The following PDE8B variants were observed in gnomAD, a reference collection of about 807,000 sequenced individuals.
PDE8B encodes the protein high affinity cAMP-specific and IBMX-insensitive 3',5'-cyclic phosphodiesterase 8B.
In PDE8B, 26 loss-of-function variants were observed where a neutral mutation model predicts 101.3. The observed-to-expected ratio is 0.26, with a 90% confidence interval of 0.19 to 0.36. The LOEUF is 0.36. Among genes scored for constraint, PDE8B ranks in the 10% least tolerant of loss-of-function variants. The pLI is 1.00. For missense variants in PDE8B, 810 were observed against 1,163.1 expected (o/e 0.70, Z 4.42); for synonymous variants, 424 against 429.3 (o/e 0.99, Z 0.15).
At chr5:77,322,618 A>T (rs1775308575) in intron 2 of PDE8B, among the ~76,000 whole-genome samples, 1 of 151,870 alleles carries the variant, frequency 6.6e-6, no homozygotes. Flanking sequence ...TCCAACATAA[A>T]CTGGGCTTGC....
chr5:77,407,687 G>A (rs1793758346), intron 13 of PDE8B, among the ~76,000 whole-genome samples: 1 of 152,212 alleles, frequency 6.6e-6, no homozygotes, highest in Non-Finnish European at 1.5e-5. Context: ...AAGTAGGTTG[G>A]AAGAGAGGGT....
chr5:77,369,443 G>A (rs1031123579), intron 10 of PDE8B, among the ~76,000 whole-genome samples: 2 of 152,028 alleles, frequency 1.3e-5, no homozygotes, highest in African/African-American at 2.4e-5. Flanking sequence ...AGGGTGTGCT[G>A]GACCGAGGTG....
In PDE8B at chr5:77,413,160, G is replaced by A; in HGVS notation, c.1762G>A (p.Glu588Lys). The A allele has an allele frequency of 6.2e-7, 1 of 1,614,102 alleles. No individual in the cohort carries two copies. The highest frequency in any genetic ancestry group is 8.5e-7 in the Non-Finnish European group (1 of 1,180,014). The change falls in exon 17 of 22, where the codon GAA (glutamate) becomes AAA (lysine). Residue 588 changes from glutamate (E) to lysine (K), a missense_variant. By Grantham distance (56) the Glu-to-Lys change is moderately conservative. Coordinates refer to ENST00000264917, the MANE Select transcript of PDE8B (RefSeq NM_003719.5). Reference sequence around the variant, plus strand: ...GGTCTTCTCTCGGTTTGGAGTATGTGAATTTTTAAACTGTTCTGAAACCAC... The same window carrying A: ...GGTCTTCTCTCGGTTTGGAGTATGTAAATTTTTAAACTGTTCTGAAACCAC... ...LKVFSRFGVC[E>K]FLNCSETTLR...
intron 6 of PDE8B, among the ~76,000 whole-genome samples, chr5:77,342,243 C>G (rs185666068): frequency 6.6e-6 from 1 of 152,172 alleles, no homozygotes; most frequent in Non-Finnish European, 1.5e-5. Flanking sequence ...GTTGTATTCT[C>G]ATATTGTCCC....
the PDE8B span, among the ~76,000 whole-genome samples, chr5:77,117,562 G>A: frequency 1.3e-5 from 2 of 152,130 alleles, no homozygotes; most frequent in Non-Finnish European, 2.9e-5. Flanking sequence ...TTTAGGGGGA[G>A]GAATACGGTT....
rs1201360625 is a variant in PDE8B, at chr5:77,257,822, C to A, written c.339+46558C>A. ...TATTTATCCTGATGCTCTCCCTCCCCCATCCCCAACCCTGACAGGCCCCAG... is the reference window on the plus strand; with the variant it reads ...TATTTATCCTGATGCTCTCCCTCCCACATCCCCAACCCTGACAGGCCCCAG... On this transcript the variant is annotated intron_variant, in intron 1 of 21. Coordinates refer to ENST00000264917, the MANE Select transcript of PDE8B (RefSeq NM_003719.5). Among the ~76,000 whole-genome samples, 4 of 152,174 alleles carry A rather than the reference C, an allele frequency of 2.6e-5. No individual in the cohort carries two copies. The South Asian group carries it at 8.3e-4, about 32-fold the overall frequency.
intron 1 of PDE8B, among the ~76,000 whole-genome samples, chr5:77,311,582 A>G (rs1772627513): frequency 6.6e-6 from 1 of 152,252 alleles, no homozygotes; most frequent in Non-Finnish European, 1.5e-5. Context: ...AGAAATGTTT[A>G]TTCTCTTTTG....
rs61999348 is a variant in PDE8B, at chr5:77,404,776, A to G, written c.1267A>G (p.Ile423Val). The change falls in exon 12 of 22, where the codon ATA becomes GTA. Residue 423 changes from isoleucine (I) to valine (V), a missense_variant. Transcript: ENST00000264917. ...RRKESIDVKSISSRGSDAPSL... is the reference protein window; with the variant it reads ...RRKESIDVKSVSSRGSDAPSL... ...GAAAGAGTCCATTGACGTGAAATCG[A>G]TATCATCTCGAGGCAGTGATGGTAA... is the stretch of plus-strand genomic sequence containing the variant. The G allele has an allele frequency of 1.7e-3, 2,735 of 1,602,030 alleles. 30 individuals carry two copies. In the African/African-American group the frequency reaches 0.032, roughly 19 times the overall value.
Position 77,387,040 on chromosome 5 carries a change from C to T in PDE8B, c.1168-13208C>T, listed in dbSNP as rs11958889. The stretch of plus-strand genomic sequence containing the variant: ...CTGGGACTACAGGCGCCCGCCACCG[C>T]GCCCGGCTAATTTTTTGTATTTTTA... On this transcript the variant is annotated intron_variant, in intron 10 of 21. Coordinates refer to ENST00000264917, the MANE Select transcript of PDE8B (RefSeq NM_003719.5). Among the ~76,000 whole-genome samples, 538 of 150,008 alleles carry T rather than the reference C, an allele frequency of 3.6e-3. 5 individuals are homozygous for T. The highest frequency in any genetic ancestry group is 0.012 in the African/African-American group (473 of 40,868).
At chr5:77,171,908 A>G in the PDE8B span, among the ~76,000 whole-genome samples, 3 of 151,934 alleles carry the variant, frequency 2.0e-5, no homozygotes, top group African/African-American at 7.3e-5. Context: ...CACAGGTCAG[A>G]CTCCTAGGGC....
chr5:77,334,278 G>T (rs1445052726), intron 5 of PDE8B, among the ~76,000 whole-genome samples: 1 of 152,174 alleles, frequency 6.6e-6, no homozygotes, highest in Non-Finnish European at 1.5e-5. Flanking sequence ...CCTGAGTGGG[G>T]ATCTAGGAAC....
At chr5:77,362,374 A>G (rs764862711) in intron 10 of PDE8B, among the ~76,000 whole-genome samples, 8 of 152,348 alleles carry the variant, frequency 5.3e-5, no homozygotes, top group African/African-American at 1.9e-4. Flanking sequence ...GCACATTACT[A>G]TAGTTCACTA....
the PDE8B span, among the ~76,000 whole-genome samples, chr5:77,169,960 T>TGCTGAGGTGCTA: frequency 1.3e-5 from 2 of 152,122 alleles, no homozygotes; most frequent in Non-Finnish European, 2.9e-5. Context: ...CTATCTCAAG[T>TGCTGAGGTGCTA]TCCCTATTTT....
intron 20 of PDE8B, among the ~76,000 whole-genome samples, chr5:77,423,927 G>A (rs1581638644): frequency 2.0e-5 from 3 of 151,564 alleles, no homozygotes; most frequent in Non-Finnish European, 2.9e-5. Flanking sequence ...GTGAGCCACC[G>A]CACCCAGCCT....
rs1378359452 is a variant in PDE8B at position 77,228,087 on chromosome 5, G to A, written c.339+16823G>A. On this transcript the variant is annotated intron_variant, in intron 1 of 21. Transcript: ENST00000264917. ...CAGGGTCTTATCTGAAAGCTTGACTGGAGAAAATCTTCCAAGCTTATCTAC... is the reference window on the plus strand; with the variant it reads ...CAGGGTCTTATCTGAAAGCTTGACTAGAGAAAATCTTCCAAGCTTATCTAC... Among the ~76,000 whole-genome samples the A allele has an allele frequency of 2.6e-5, 4 of 152,142 alleles. No individual in the cohort carries two copies. In the East Asian group the frequency reaches 7.7e-4, roughly 29 times the overall value.
At chr5:77,210,620 G>A, upstream of PDE8B, 6 of 981,726 alleles carry the variant, frequency 6.1e-6, no homozygotes, top group Non-Finnish European at 7.2e-6. The surrounding 1 kb of genome is among the most constrained non-coding windows in gnomAD (Gnocchi z 4.9). Flanking sequence ...GGAGGCGCGG[G>A]GAGCGTGTTT....
chr5:77,204,406 G>C, the PDE8B span, among the ~76,000 whole-genome samples: 4 of 128,150 alleles, frequency 3.1e-5, no homozygotes, highest in Admixed American at 2.2e-4. Context: ...ATGAGACTCT[G>C]TCTCAAAAAA....
intron 10 of PDE8B, among the ~76,000 whole-genome samples, chr5:77,355,698 A>C (rs963924603): frequency 6.6e-6 from 1 of 152,134 alleles, no homozygotes; most frequent in Non-Finnish European, 1.5e-5. Context: ...TGTGTTAAAC[A>C]CCTGTTCTGT....
the PDE8B span, among the ~76,000 whole-genome samples, chr5:77,121,741 C>T: frequency 2.0e-5 from 3 of 152,232 alleles, no homozygotes; most frequent in African/African-American, 7.2e-5. Context: ...CTCCTGACCT[C>T]GTGATCCACC....
Sources: allele counts gnomAD v4.1 joint callset (sites outside exome capture counted in the v4.1 genomes callset), GRCh38; gene constraint gnomAD v4.1.1; non-coding constraint Gnocchi (gnomAD v3.1); transcripts MANE v1.5; gene names NCBI Gene and HGNC (gene_info 2026-07-23, HGNC 2026-07-21).